Variants in MPP7 observed in about 807,000 individuals in gnomAD.
MPP7 encodes the protein MAGUK p55 scaffold protein 7, also known as MAGUK p55 subfamily member 7.
Under a neutral mutation model 76.5 loss-of-function variants are expected in MPP7, and 60 were observed. The observed-to-expected ratio is 0.78, with a 90% confidence interval of 0.64 to 0.97. The LOEUF (loss-of-function observed/expected upper bound fraction) is 0.97, where lower values mean the gene tolerates loss of function less well. Ranked by LOEUF, MPP7 falls within the 50% of genes least tolerant of loss-of-function variation. The pLI, the probability that MPP7 is intolerant of heterozygous loss-of-function variation, is 0.00. For synonymous variants in MPP7, 237 were observed against 244.5 expected (o/e 0.97, Z 0.29); for missense variants, 641 against 694.0 (o/e 0.92, Z 0.86).
intron 1 of MPP7, among the ~76,000 whole-genome samples, chr10:28,249,414 C>T (rs1445720354): frequency 6.6e-6 from 1 of 152,114 alleles, no homozygotes. Context: ...CATGGCGAAA[C>T]CCCATCTCTA....
At chr10:28,245,352 G>T (rs1252268003) in intron 1 of MPP7, among the ~76,000 whole-genome samples, 3 of 151,872 alleles carry the variant, frequency 2.0e-5, no homozygotes, top group African/African-American at 7.3e-5. Context: ...TTCAATCAAT[G>T]TCCCCCACTA....
intron 1 of MPP7, among the ~76,000 whole-genome samples, chr10:28,268,354 C>T (rs554535556): frequency 1.3e-5 from 2 of 152,324 alleles, no homozygotes; most frequent in South Asian, 4.1e-4. Context: ...GAACTGTAGG[C>T]AAAGGTTACA....
At chr10:28,298,717 C>G (rs1841086502) in intron 1 of MPP7, among the ~76,000 whole-genome samples, 2 of 152,152 alleles carry the variant, frequency 1.3e-5, no homozygotes, top group African/African-American at 4.8e-5. Context: ...TAAGAAAGTC[C>G]GAGACGGCAT....
At chr10:28,066,621 T>G (rs577055854) in intron 13 of MPP7, among the ~76,000 whole-genome samples, 1 of 152,200 alleles carries the variant, frequency 6.6e-6, no homozygotes, top group Non-Finnish European at 1.5e-5. Flanking sequence ...AACACCCCCA[T>G]GTAGCCAGCA....
chr10:28,188,034 C>T (rs1837292269), intron 3 of MPP7, among the ~76,000 whole-genome samples: 1 of 152,196 alleles, frequency 6.6e-6, no homozygotes. Flanking sequence ...TTCTTGTTCA[C>T]AGGTTGCTCT....
chr10:28,157,890 T>TC (rs774382249), intron 3 of MPP7, among the ~76,000 whole-genome samples: 1 of 152,222 alleles, frequency 6.6e-6, no homozygotes, highest in Non-Finnish European at 1.5e-5. Context: ...TTCTTTTTGT[T>TC]CACTATCCTT....
At chr10:28,332,781 C>T (rs1834483266) in intron 1 of MPP7, among the ~76,000 whole-genome samples, 1 of 152,088 alleles carries the variant, frequency 6.6e-6, no homozygotes, top group Admixed American at 6.6e-5. Context: ...CCCACCTCAG[C>T]CTTCTAAGTA....
chr10:28,167,741 T>C (rs1836533239), intron 3 of MPP7, among the ~76,000 whole-genome samples: 1 of 152,238 alleles, frequency 6.6e-6, no homozygotes, highest in African/African-American at 2.4e-5. Context: ...GGTCACAGGA[T>C]ATAAATATTT....
intron 8 of MPP7, among the ~76,000 whole-genome samples, chr10:28,122,679 T>C (rs1053778135): frequency 1.3e-5 from 2 of 152,214 alleles, no homozygotes; most frequent in Non-Finnish European, 2.9e-5. Context: ...TGTAAAGTAT[T>C]TGTCCATATG....
chr10:28,062,936 A>C (rs1851850483), intron 13 of MPP7, among the ~76,000 whole-genome samples: 1 of 152,204 alleles, frequency 6.6e-6, no homozygotes, highest in Non-Finnish European at 1.5e-5. Flanking sequence ...TGAGATAGCA[A>C]GGAACTTTTA....
At chr10:28,080,094 AAAAGGAAAGG>A (rs1170674909) in intron 12 of MPP7, among the ~76,000 whole-genome samples, 1 of 149,476 alleles carries the variant, frequency 6.7e-6, no homozygotes, top group African/African-American at 2.5e-5. Flanking sequence ...AGGGGAGGGG[AAAAGGAAAGG>A]AAAGGAAAGA....
At chr10:28,084,358 C>T (rs1852905738) in intron 12 of MPP7, among the ~76,000 whole-genome samples, 1 of 152,214 alleles carries the variant, frequency 6.6e-6, no homozygotes, top group Admixed American at 6.5e-5. Flanking sequence ...GTGTGCACAG[C>T]ACCAGACCTC....
chr10:28,079,235 T>G (rs749255985), intron 12 of MPP7, among the ~76,000 whole-genome samples: 1 of 152,216 alleles, frequency 6.6e-6, no homozygotes, highest in East Asian at 1.9e-4. Context: ...ATTAGAATGC[T>G]AGCACAGTAT....
intron 5 of MPP7, among the ~76,000 whole-genome samples, chr10:28,138,524 T>G (rs1588835384): frequency 6.6e-6 from 1 of 152,238 alleles, no homozygotes; most frequent in East Asian, 1.9e-4. Flanking sequence ...TATTGACTAA[T>G]AAGAATAATC....
intron 3 of MPP7, among the ~76,000 whole-genome samples, chr10:28,164,057 C>T (rs558558922): frequency 4.2e-4 from 64 of 152,222 alleles, no homozygotes; most frequent in Non-Finnish European, 6.9e-4. Context: ...GAGACACCCA[C>T]GTGGAGAAGT....
chr10:28,109,303 A>G (rs1160037096), intron 11 of MPP7, among the ~76,000 whole-genome samples: 1 of 152,118 alleles, frequency 6.6e-6, no homozygotes, highest in Non-Finnish European at 1.5e-5. Context: ...CAACAACAAC[A>G]ACAACAAATA....
intron 6 of MPP7, among the ~76,000 whole-genome samples, chr10:28,131,317 G>A (rs73606077): frequency 0.019 from 2,881 of 152,150 alleles, 89 homozygotes; most frequent in African/African-American, 0.066. Context: ...TACATGTTAC[G>A]CCTTCTTTCA....
chr10:28,089,198 C>G (rs1853166888), intron 12 of MPP7, among the ~76,000 whole-genome samples: 1 of 152,240 alleles, frequency 6.6e-6, no homozygotes, highest in Middle Eastern at 3.4e-3. Flanking sequence ...AAGGTGTGAG[C>G]CACGGCACCC....
At chr10:28,210,755 CT>C (rs1397993343) in intron 2 of MPP7, among the ~76,000 whole-genome samples, 2 of 152,144 alleles carry the variant, frequency 1.3e-5, no homozygotes, top group Non-Finnish European at 2.9e-5. Context: ...CAAATTCTGG[CT>C]GTATGAAATT....
Sources: allele counts gnomAD v4.1 joint callset (sites outside exome capture counted in the v4.1 genomes callset), GRCh38; gene constraint gnomAD v4.1.1; transcripts MANE v1.5; gene names NCBI Gene and HGNC (gene_info 2026-07-23, HGNC 2026-07-21).